The following NRXN1 variants were observed in gnomAD, a reference collection of about 807,000 sequenced individuals.
The protein encoded by NRXN1 is neurexin-1.
NRXN1 carries 39 observed loss-of-function variants against 150.9 expected under a neutral mutation model. The observed-to-expected ratio is 0.26, with a 90% CI of 0.20 to 0.34. NRXN1 has a LOEUF of 0.34. Among genes scored for constraint, NRXN1 ranks in the 10% least tolerant of loss-of-function variants. The pLI, the probability that NRXN1 is intolerant of heterozygous loss-of-function variation, is 1.00. For missense variants in NRXN1, 1,815 were observed against 1,949.9 expected (o/e 0.93, Z 1.30); for synonymous variants, 924 against 757.0 (o/e 1.22, Z -3.62).
intron 17 of NRXN1, among the ~76,000 whole-genome samples, chr2:50,307,937 C>A (rs1253392914): frequency 1.3e-5 from 2 of 152,150 alleles, no homozygotes; most frequent in African/African-American, 2.4e-5. Context: ...TTTATGAGCA[C>A]TGTATTTAAG....
rs1031941894 is a variant in NRXN1 at position 50,035,695 on chromosome 2, C to T, written c.4128+17576G>A. On this transcript the variant is annotated intron_variant, in intron 21 of 22. Coordinates refer to ENST00000401669, the MANE Select transcript of NRXN1 (RefSeq NM_001330078.2). ...CAATGTAGGAGCATGTGTGTTAATGCATAACAGACCCACAGACACAGTGGG... is the reference window on the plus strand; with the variant it reads ...CAATGTAGGAGCATGTGTGTTAATGTATAACAGACCCACAGACACAGTGGG... 2.0e-5 allele frequency among the ~76,000 whole-genome samples: 3 copies of T among 152,188 alleles called. No individual in the cohort carries two copies. The East Asian group carries it at 5.8e-4, about 29-fold the overall frequency.
Position 50,552,679 on chromosome 2 carries a change from A to T in NRXN1, c.1667T>A (p.Met556Lys). The change falls in exon 9 of 23, where the codon ATG becomes AAG. Residue 556 changes from methionine to lysine, a missense_variant. Met to Lys is a moderately conservative substitution (Grantham distance 95). This residue lies in a region of NRXN1 where 638 missense variants were observed against 652.6 expected (regional missense o/e 0.98). Coordinates refer to ENST00000401669, the MANE Select transcript of NRXN1 (RefSeq NM_001330078.2). ...LDGHLYLLLD[M>K]GSGTIKIKAL... ...TTTTATTTTTATAGTACCTGACCCC[A>T]TGTCCAGGAGGAGGTAGAGGTGGCC... 6.2e-7 allele frequency: 1 copy of T among 1,613,856 alleles called. No homozygotes were observed. The highest frequency in any genetic ancestry group is 8.5e-7 in the Non-Finnish European group (1 of 1,179,760).
chr2:49,985,568 C>T (rs1680764383), intron 21 of NRXN1, among the ~76,000 whole-genome samples: 1 of 152,186 alleles, frequency 6.6e-6, no homozygotes, highest in Non-Finnish European at 1.5e-5. Flanking sequence ...CAAGCAAAAA[C>T]AATGAAGTCA....
At chr2:50,103,357 C>T (rs1573928585) in intron 18 of NRXN1, among the ~76,000 whole-genome samples, 1 of 151,924 alleles carries the variant, frequency 6.6e-6, no homozygotes, top group East Asian at 1.9e-4. Flanking sequence ...AGATTTATGT[C>T]TGAAATCACT....
intron 17 of NRXN1, among the ~76,000 whole-genome samples, chr2:50,287,201 G>C (rs1247566601): frequency 2.0e-5 from 3 of 152,040 alleles, no homozygotes; most frequent in Non-Finnish European, 4.4e-5. Context: ...GTGTACCTAG[G>C]TCTCACATTT....
chr2:49,922,021 C>G lies in NRXN1; in HGVS notation c.4447G>C (p.Val1483Leu). Reference sequence around the variant, plus strand: ...GCACTGCTGGGTTGTTTCTCCTTTACAACAGCCCCATTGGACTGTGCTGAG... The same window carrying G: ...GCACTGCTGGGTTGTTTCTCCTTTAGAACAGCCCCATTGGACTGTGCTGAG... ...SNSAQSNGAVVKEKQPSSAKS... is the reference protein window; with the variant it reads ...SNSAQSNGAVLKEKQPSSAKS... The change falls in exon 23 of 23, where the codon GTA becomes CTA. Residue 1483 changes from valine to leucine, a missense_variant. Val to Leu is a conservative substitution (Grantham distance 32). Around this residue, in one of 6 missense-constraint regions of NRXN1, gnomAD observed 265 missense variants for 307.1 expected, o/e 0.86. Transcript: ENST00000401669. 1 of 1,614,124 alleles carries G rather than the reference C, an allele frequency of 6.2e-7. No homozygotes were observed. Among genetic ancestry groups the G allele is most frequent in the Non-Finnish European group, 8.5e-7 (1 of 1,180,010 alleles).
In NRXN1 at chr2:50,366,363, T is replaced by G. The variant is rs568864322; in HGVS notation, c.3364+99079A>C. Among the ~76,000 whole-genome samples the G allele has an allele frequency of 6.9e-4, 105 of 152,092 alleles. 1 individual carries two copies. The highest frequency in any genetic ancestry group is 2.4e-3 in the African/African-American group (99 of 41,530). On this transcript the variant is annotated intron_variant, in intron 17 of 22. Coordinates refer to ENST00000401669, the MANE Select transcript of NRXN1 (RefSeq NM_001330078.2). Reference sequence around the variant, plus strand: ...AAGATTCATCTTAAAAATCAGTGACTGTTCAGTCGTAATATTTTTGGAGTA... The same window carrying G: ...AAGATTCATCTTAAAAATCAGTGACGGTTCAGTCGTAATATTTTTGGAGTA...
chr2:50,491,345 G>T (rs2091242327), intron 15 of NRXN1, among the ~76,000 whole-genome samples: 1 of 152,192 alleles, frequency 6.6e-6, no homozygotes, highest in South Asian at 2.1e-4. Context: ...GAAGAAAAGA[G>T]CAAGAATACT....
At chr2:50,588,878 C>T (rs993215825) in intron 8 of NRXN1, 7 of 152,076 alleles carry the variant, frequency 4.6e-5, no homozygotes, top group Admixed American at 1.3e-4. Context: ...GAAGTAGGCT[C>T]GTGTATCCAC....
intron 2 of NRXN1, among the ~76,000 whole-genome samples, chr2:50,979,576 C>G (rs1445981250): frequency 6.6e-6 from 1 of 152,006 alleles, no homozygotes. Context: ...TAAAAGTTCA[C>G]CTGAATTTTT....
chr2:50,759,838 G>C (rs1325461297), intron 5 of NRXN1, among the ~76,000 whole-genome samples: 1 of 82,694 alleles, frequency 1.2e-5, no homozygotes, highest in Non-Finnish European at 2.5e-5. Context: ...GTGTGTGTGT[G>C]TGTGTGTGTG....
At chr2:50,510,312 C>G (rs113228806) in intron 12 of NRXN1, among the ~76,000 whole-genome samples, 13 of 151,330 alleles carry the variant, frequency 8.6e-5, no homozygotes, top group African/African-American at 3.1e-4. Context: ...AGGGTGAAAC[C>G]CTCTCTCTAC....
chr2:50,515,880 T>A (rs2092617111), intron 12 of NRXN1, among the ~76,000 whole-genome samples: 1 of 152,068 alleles, frequency 6.6e-6, no homozygotes, highest in Non-Finnish European at 1.5e-5. Context: ...ACTTCCTACC[T>A]ACAAATGATG....
At chr2:50,826,076 T>G (rs1670409390) in intron 5 of NRXN1, among the ~76,000 whole-genome samples, 1 of 152,092 alleles carries the variant, frequency 6.6e-6, no homozygotes. Context: ...AAAAACAATA[T>G]AGTTTCAGAG....
intron 5 of NRXN1, among the ~76,000 whole-genome samples, chr2:50,747,580 T>G (rs1051752329): frequency 2.6e-5 from 4 of 152,082 alleles, no homozygotes; most frequent in African/African-American, 9.7e-5. Context: ...GATTCAGACA[T>G]CAAAGCCAGT....
intron 2 of NRXN1, among the ~76,000 whole-genome samples, chr2:50,933,873 A>C (rs970580632): frequency 4.6e-5 from 7 of 152,158 alleles, no homozygotes; most frequent in Non-Finnish European, 8.8e-5. Flanking sequence ...TAATTCCATA[A>C]TTCAGAGAAG....
At chr2:50,154,245 G>T (rs4971650) in intron 18 of NRXN1, among the ~76,000 whole-genome samples, 1 of 151,346 alleles carries the variant, frequency 6.6e-6, no homozygotes, top group South Asian at 2.1e-4. Context: ...AAAAGACTAC[G>T]CATTGAGTAC....
At chr2:50,910,233 T>C (rs1684329235) in intron 5 of NRXN1, among the ~76,000 whole-genome samples, 1 of 152,006 alleles carries the variant, frequency 6.6e-6, no homozygotes, top group African/African-American at 2.4e-5. Flanking sequence ...AAAAAGTTAG[T>C]TGTTTCCTTT....
chr2:50,710,508 T>C (rs1454046295), intron 5 of NRXN1, among the ~76,000 whole-genome samples: 2 of 152,180 alleles, frequency 1.3e-5, no homozygotes, highest in South Asian at 2.1e-4. Flanking sequence ...AGCAAGCTAT[T>C]AGATGTCATT....
Sources: allele counts gnomAD v4.1 joint callset (sites outside exome capture counted in the v4.1 genomes callset), GRCh38; gene constraint gnomAD v4.1.1; regional missense constraint gnomAD v4.1.1; transcripts MANE v1.5; gene names NCBI Gene and HGNC (gene_info 2026-07-23, HGNC 2026-07-21).